The following TRIO variants were observed in gnomAD, a reference collection of about 807,000 sequenced individuals.
TRIO encodes triple functional domain protein.
Under a neutral mutation model 351.9 loss-of-function variants are expected in TRIO, and 58 were observed. That is an observed-to-expected ratio of 0.16 (90% CI 0.13 to 0.21). The LOEUF is 0.21. TRIO is among the 10% of genes least tolerant of loss of function. The pLI is 1.00. For missense variants in TRIO, 3,201 were observed against 4,027.8 expected, an observed-to-expected ratio of 0.79 and a Z score of 5.56; for synonymous variants, 1,758 against 1,595.7, an observed-to-expected ratio of 1.10 and a Z score of -2.42.
At chr5:14,146,883 C>G (rs1344567096) in intron 1 of TRIO, among the ~76,000 whole-genome samples, 1 of 152,204 alleles carries the variant, frequency 6.6e-6, no homozygotes, top group Non-Finnish European at 1.5e-5. Flanking sequence ...GGTCTCATTT[C>G]CTTTGCTGTC....
chr5:14,302,750 G>C (rs1246521009), intron 7 of TRIO, among the ~76,000 whole-genome samples: 1 of 152,210 alleles, frequency 6.6e-6, no homozygotes, highest in Non-Finnish European at 1.5e-5. Flanking sequence ...CTGGTCAGTT[G>C]AGTATTGCAT....
intron 31 of TRIO, among the ~76,000 whole-genome samples, chr5:14,401,775 T>C (rs1378291298): frequency 3.9e-5 from 6 of 152,210 alleles, no homozygotes; most frequent in Admixed American, 2.0e-4. Flanking sequence ...GATGGAACTT[T>C]TGGAGCCATC....
intron 8 of TRIO, among the ~76,000 whole-genome samples, chr5:14,312,286 C>T (rs1738999474): frequency 6.6e-6 from 1 of 152,204 alleles, no homozygotes; most frequent in South Asian, 2.1e-4. Flanking sequence ...CATTGTTCTA[C>T]ATTTTAAATA....
rs1454565067 is a variant in TRIO, at chr5:14,388,698, T to TG, written c.3948+19_3948+20insG. On this transcript the variant is annotated intron_variant, in intron 24 of 56. Coordinates refer to ENST00000344204, the MANE Select transcript of TRIO (RefSeq NM_007118.4). ...TATGGATGTAAGTAAGTTTTTTTTT[T>TG]TTTTTTTTGCTTGTTTATTTAGATT... is the stretch of plus-strand genomic sequence containing the variant. The TG allele has an allele frequency of 6.2e-7, 1 of 1,601,792 alleles. No homozygotes were observed. The highest frequency in any genetic ancestry group is 1.4e-5 in the African/African-American group (1 of 73,630).
At chr5:14,382,506 C>A (rs1340626543) in intron 21 of TRIO, among the ~76,000 whole-genome samples, 1 of 152,080 alleles carries the variant, frequency 6.6e-6, no homozygotes, top group Non-Finnish European at 1.5e-5. Flanking sequence ...AGCAAGAAGA[C>A]CCGGCCCAGG....
At chr5:14,408,083 G>T (rs1268570168) in intron 33 of TRIO, among the ~76,000 whole-genome samples, 1 of 152,204 alleles carries the variant, frequency 6.6e-6, no homozygotes, top group Non-Finnish European at 1.5e-5. Flanking sequence ...CCACTCATTG[G>T]TAGGAAGGAA....
intron 18 of TRIO, among the ~76,000 whole-genome samples, chr5:14,373,816 T>G (rs1745327272): frequency 6.6e-6 from 1 of 152,206 alleles, no homozygotes; most frequent in South Asian, 2.1e-4. Flanking sequence ...CTGAAAGTGT[T>G]TACTGTCTAC....
At chr5:14,158,449 A>G (rs1006248159) in intron 1 of TRIO, among the ~76,000 whole-genome samples, 4 of 152,132 alleles carry the variant, frequency 2.6e-5, no homozygotes, top group African/African-American at 9.7e-5. Context: ...CTGGGAGTAA[A>G]AAGTCATGAC....
chr5:14,327,655 G>A (rs1254358259), intron 9 of TRIO, among the ~76,000 whole-genome samples: 6 of 151,880 alleles, frequency 4.0e-5, no homozygotes, highest in East Asian at 1.9e-4. Context: ...GTAATATACC[G>A]AATATATTAT....
chr5:14,369,212 T>C (rs947550577), intron 17 of TRIO, among the ~76,000 whole-genome samples, 162 bp from the exon 18 acceptor site: 3 of 152,228 alleles, frequency 2.0e-5, no homozygotes, highest in East Asian at 1.9e-4. Context: ...CTTTTGACCC[T>C]GTAGTTGTTC....
At chr5:14,333,206 G>A (rs1741069148) in intron 10 of TRIO, among the ~76,000 whole-genome samples, 1 of 152,144 alleles carries the variant, frequency 6.6e-6, no homozygotes, top group South Asian at 2.1e-4. Context: ...GTGTGTGTCC[G>A]GTCAAATGGT....
rs867348670 is a variant in TRIO at position 14,487,921 on chromosome 5, C to T, written c.7293C>T (p.Asp2431=). ...CGAACGCCTCGGGGTCGAGCCCAGA[C>T]GCCCCCGCCAAGGACGCGCGCGCTA... is the stretch of plus-strand genomic sequence containing the variant. The part of the protein sequence containing the change: ...GAANASGSSP[D]APAKDARASL... Residue 2431 remains aspartate (D), a synonymous_variant, in exon 48 of 57, where the codon GAC becomes GAT. Coordinates refer to ENST00000344204, the MANE Select transcript of TRIO (RefSeq NM_007118.4). 20 of 1,538,600 alleles carry T rather than the reference C, an allele frequency of 1.3e-5. No individual in the cohort carries two copies. In the Middle Eastern group the frequency reaches 9.4e-4, roughly 72 times the overall value.
Position 14,228,317 on chromosome 5 carries a change from G to C in TRIO, c.158-42508G>C, listed in dbSNP as rs1399181992. Among the ~76,000 whole-genome samples the C allele has an allele frequency of 2.0e-5, 3 of 152,176 alleles. 1 individual carries two copies. The highest frequency in any genetic ancestry group is 4.4e-5 in the Non-Finnish European group (3 of 68,030). On this transcript the variant is annotated intron_variant, in intron 1 of 56. Coordinates refer to ENST00000344204, the MANE Select transcript of TRIO (RefSeq NM_007118.4). ...CCTGTGACAAAGAAAAAACCATCCA[G>C]AATTGGAGACTGTTCCCTGCCGGGG...
chr5:14,236,119 T>C (rs561976789), intron 1 of TRIO, among the ~76,000 whole-genome samples: 2 of 152,250 alleles, frequency 1.3e-5, no homozygotes, highest in South Asian at 4.1e-4. Context: ...AGAGTGAAAG[T>C]CCAAACGACC....
At chr5:14,372,886 G>A (rs957200002) in intron 18 of TRIO, among the ~76,000 whole-genome samples, 5 of 152,128 alleles carry the variant, frequency 3.3e-5, no homozygotes, top group South Asian at 2.1e-4. Flanking sequence ...ATTCTCATGC[G>A]CTGTGAAGAA....
At chr5:14,273,724 T>A (rs1447253279) in intron 2 of TRIO, among the ~76,000 whole-genome samples, 2 of 152,244 alleles carry the variant, frequency 1.3e-5, no homozygotes, top group African/African-American at 4.8e-5. Flanking sequence ...CTGTAGTTTA[T>A]ATTTAATGGA....
At position 14,461,104 on chromosome 5, in the gene TRIO, G is replaced by T. The variant is rs777387165; in HGVS notation, c.5289G>T (p.Ser1763=). 2.6e-6 allele frequency: 4 copies of T among 1,564,324 alleles called. No homozygotes were observed. In the Admixed American group the frequency reaches 5.6e-5, roughly 22 times the overall value. Residue 1763 remains serine (S), a synonymous_variant, in exon 35 of 57, where the codon TCG becomes TCT. Transcript: ENST00000344204. ...CCCACATGATCGGGGCCCAGAGCTCGCCGGGCCCCAAGCGGCCGGGCAACA... is the reference window on the plus strand; with the variant it reads ...CCCACATGATCGGGGCCCAGAGCTCTCCGGGCCCCAAGCGGCCGGGCAACA... ...LQPHMIGAQS[S]PGPKRPGNTL...
intron 34 of TRIO, among the ~76,000 whole-genome samples, chr5:14,425,211 T>G (rs994815212): frequency 6.6e-6 from 1 of 152,206 alleles, no homozygotes; most frequent in South Asian, 2.1e-4. Flanking sequence ...TCTGTGCCCA[T>G]GGAACAAAAC....
intron 1 of TRIO, among the ~76,000 whole-genome samples, chr5:14,246,115 A>G (rs767025087): frequency 2.0e-5 from 3 of 152,194 alleles, no homozygotes; most frequent in Non-Finnish European, 2.9e-5. Flanking sequence ...CATTTCTTCT[A>G]TCTGATAAAC....
Sources: allele counts gnomAD v4.1 joint callset (sites outside exome capture counted in the v4.1 genomes callset), GRCh38; gene constraint gnomAD v4.1.1; transcripts MANE v1.5; gene names NCBI Gene and HGNC (gene_info 2026-07-23, HGNC 2026-07-21).